GUCY1B1: variants seen among roughly 807,000 people sequenced by gnomAD.
The protein encoded by GUCY1B1 is guanylate cyclase soluble subunit beta-1.
GUCY1B1 carries 43 observed loss-of-function variants against 71.0 expected under a neutral mutation model. The ratio of observed to expected loss-of-function variants is 0.61; its 90% CI spans 0.47 to 0.78. GUCY1B1 has a LOEUF of 0.78. GUCY1B1 is among the 30% of genes least tolerant of loss of function. The pLI, the probability that GUCY1B1 is intolerant of heterozygous loss-of-function variation, is 0.00. For missense variants in GUCY1B1, 535 were observed against 754.1 expected (o/e 0.71, Z 3.40); for synonymous variants, 266 against 259.7 (o/e 1.02, Z -0.23).
chr4:155,803,221 A>T (rs1239352050), intron 10 of GUCY1B1, among the ~76,000 whole-genome samples: 3 of 152,252 alleles, frequency 2.0e-5, no homozygotes, highest in Non-Finnish European at 4.4e-5. Flanking sequence ...TGAGCACATC[A>T]TACAAACAAA....
intron 13 of GUCY1B1, 61 bp from the exon 14 acceptor site, chr4:155,806,325 T>G: frequency 9.9e-7 from 1 of 1,010,368 alleles, no homozygotes; most frequent in Non-Finnish European, 1.5e-6. Flanking sequence ...ATATATTTAA[T>G]TGATATTATA....
At chr4:155,759,253 A>T (rs1396778958) in intron 1 of GUCY1B1, 110 bp downstream of exon 1, 2 of 1,078,446 alleles carry the variant, frequency 1.9e-6, no homozygotes, top group Non-Finnish European at 2.7e-6. Flanking sequence ...CTGGGCGCTC[A>T]CTGCCGGCCA....
intron 2 of GUCY1B1, among the ~76,000 whole-genome samples, chr4:155,770,717 AG>A (rs778675006): frequency 6.6e-6 from 1 of 152,302 alleles, no homozygotes; most frequent in East Asian, 1.9e-4. Context: ...GGCCCCAGAA[AG>A]GTTAGGTATA....
At chr4:155,795,694 G>A (rs1739502942) in intron 7 of GUCY1B1, among the ~76,000 whole-genome samples, 1 of 152,078 alleles carries the variant, frequency 6.6e-6, no homozygotes, top group East Asian at 1.9e-4. Context: ...TTCTGAGACG[G>A]CCTTGTTTCA....
At chr4:155,805,311 T>A in intron 13 of GUCY1B1, 82 bp downstream of exon 13, 1 of 1,155,430 alleles carries the variant, frequency 8.7e-7, no homozygotes. Flanking sequence ...TGAAAATGTA[T>A]TTCATTTGAA....
At chr4:155,767,870 C>G (rs560899502) in intron 2 of GUCY1B1, among the ~76,000 whole-genome samples, 256 of 141,178 alleles carry the variant, frequency 1.8e-3, no homozygotes, top group Middle Eastern at 3.6e-3. Flanking sequence ...AGTTACTATC[C>G]ACAGTTTATA....
At chr4:155,766,223 G>T (rs1363746638) in intron 2 of GUCY1B1, among the ~76,000 whole-genome samples, 1 of 152,062 alleles carries the variant, frequency 6.6e-6, no homozygotes, top group African/African-American at 2.4e-5. Flanking sequence ...ATTTATGTCA[G>T]CATGGTGACA....
At position 155,759,040 on chromosome 4, in the gene GUCY1B1, T is replaced by G; in HGVS notation, c.-101T>G. ...GTTCTCGCTCCAGCTCGATGCTGCC[T>G]CCCCGGCCCGGTTGCGCTGTAGCCG... On this transcript the variant is annotated 5_prime_UTR_variant, in exon 1 of 14. Transcript: ENST00000264424. The G allele has an allele frequency of 7.8e-7, 1 of 1,283,922 alleles. No homozygotes were observed. The highest frequency in any genetic ancestry group is 1.3e-5 in the South Asian group (1 of 79,098). 79.5% of individuals were successfully genotyped at this position (1,283,922 alleles called of 1,614,324 possible). A position where few individuals can be genotyped will look rare whatever the true frequency, so the allele number is the denominator to read the frequency against.
intron 2 of GUCY1B1, chr4:155,772,717 GC>G: frequency 1.4e-6 from 1 of 702,458 alleles, no homozygotes; most frequent in African/African-American, 1.7e-5. Flanking sequence ...AACCTGCCCA[GC>G]CAGAAAAGAG....
intron 5 of GUCY1B1, among the ~76,000 whole-genome samples, chr4:155,793,405 T>C (rs1419571527): frequency 6.6e-6 from 1 of 152,210 alleles, no homozygotes; most frequent in Non-Finnish European, 1.5e-5. Flanking sequence ...TATTTGATAG[T>C]TGATGGTTAA....
intron 5 of GUCY1B1, 61 bp downstream of exon 5, chr4:155,789,972 A>G (rs754135265): frequency 7.1e-5 from 80 of 1,121,328 alleles, no homozygotes; most frequent in Non-Finnish European, 1.0e-4. Flanking sequence ...TTTAAATGAC[A>G]CTCTCTAAAT....
At chr4:155,782,148 T>G (rs1579218849) in intron 4 of GUCY1B1, among the ~76,000 whole-genome samples, 1 of 152,172 alleles carries the variant, frequency 6.6e-6, no homozygotes, top group East Asian at 1.9e-4. Flanking sequence ...CAGTCTCGGC[T>G]CACTGCAAAC....
At chr4:155,766,685 A>G (rs1258835893) in intron 2 of GUCY1B1, among the ~76,000 whole-genome samples, 7 of 152,304 alleles carry the variant, frequency 4.6e-5, no homozygotes, top group Admixed American at 2.6e-4. Context: ...TAAGAACTCT[A>G]TTGTTAGAAT....
rs887596249 is a variant in GUCY1B1, at chr4:155,807,573, A to C, written c.*1164A>C. On this transcript the variant is annotated 3_prime_UTR_variant, in exon 14 of 14. Transcript: ENST00000264424. Reference sequence around the variant, plus strand: ...GTTAATGTGTAAAAGAGTCTGTAATAAATTATTTTTTTCACGTGTCTCTAT... The same window carrying C: ...GTTAATGTGTAAAAGAGTCTGTAATCAATTATTTTTTTCACGTGTCTCTAT... The C allele has an allele frequency of 2.6e-5, 4 of 152,062 alleles. No homozygotes were observed. Among genetic ancestry groups the C allele is most frequent in the African/African-American group, 9.7e-5 (4 of 41,448 alleles). 9.4% of individuals were successfully genotyped at this position (152,062 alleles called of 1,614,324 possible).
chr4:155,782,368 C>A (rs1329923550), intron 4 of GUCY1B1, among the ~76,000 whole-genome samples: 1 of 152,182 alleles, frequency 6.6e-6, no homozygotes, highest in African/African-American at 2.4e-5. Flanking sequence ...GGATTACAGG[C>A]ATGGGCCAGA....
In GUCY1B1 at chr4:155,789,774, T is replaced by G; in HGVS notation, c.358T>G (p.Phe120Val). The change falls in exon 5 of 14, where the codon TTT (phenylalanine) becomes GTT (valine). Residue 120 changes from phenylalanine (F) to valine (V), a missense_variant. Physicochemically the swap from Phe to Val is conservative, Grantham distance 50. Transcript: ENST00000264424. ...CTACCCAGGAATGCGTGCACCTTCC[T>G]TTAGGTGCACTGATGCAGAAAAGGG... is the stretch of plus-strand genomic sequence containing the variant. Reference protein sequence around the residue: ...TIYPGMRAPSFRCTDAEKGKG... With the variant: ...TIYPGMRAPSVRCTDAEKGKG... 6.2e-7 allele frequency: 1 copy of G among 1,603,268 alleles called. No individual in the cohort carries two copies. Among genetic ancestry groups the G allele is most frequent in the Non-Finnish European group, 8.5e-7 (1 of 1,170,134 alleles).
intron 2 of GUCY1B1, among the ~76,000 whole-genome samples, chr4:155,765,085 T>G (rs143968879): frequency 6.6e-6 from 1 of 152,278 alleles, no homozygotes; most frequent in African/African-American, 2.4e-5. Flanking sequence ...GGAAGGATCT[T>G]TGCACATTAC....
intron 2 of GUCY1B1, among the ~76,000 whole-genome samples, chr4:155,769,580 GT>G (rs771630502): frequency 1.5e-4 from 23 of 152,108 alleles, no homozygotes; most frequent in Non-Finnish European, 3.1e-4. Context: ...AATAATAGTA[GT>G]AAGCAGCAAC....
intron 3 of GUCY1B1, among the ~76,000 whole-genome samples, chr4:155,775,969 T>C (rs1738017284): frequency 6.6e-6 from 1 of 152,200 alleles, no homozygotes; most frequent in Admixed American, 6.5e-5. Flanking sequence ...ACACTATCTA[T>C]AGTAGAATAA....
Sources: allele counts gnomAD v4.1 joint callset (sites outside exome capture counted in the v4.1 genomes callset), GRCh38; gene constraint gnomAD v4.1.1; transcripts MANE v1.5; gene names NCBI Gene and HGNC (gene_info 2026-07-23, HGNC 2026-07-21).